Variants in NECAB1 observed in about 807,000 individuals in gnomAD.
NECAB1 encodes the protein N-terminal EF-hand calcium-binding protein 1.
A neutral mutation model predicts 57.5 loss-of-function variants in NECAB1; 29 were observed. The ratio of observed to expected loss-of-function variants is 0.50; its 90% CI spans 0.38 to 0.69. The LOEUF (loss-of-function observed/expected upper bound fraction) is 0.69. Among genes scored for constraint, NECAB1 ranks in the 30% least tolerant of loss-of-function variants. The probability of loss-of-function intolerance (pLI) is 0.00; values close to 1 mark genes in which losing one functional copy is unlikely to be tolerated. For missense variants in NECAB1, 372 were observed against 413.8 expected, an observed-to-expected ratio of 0.90 and a Z score of 0.88; for synonymous variants, 142 against 147.7, an observed-to-expected ratio of 0.96 and a Z score of 0.28.
intron 2 of NECAB1, among the ~76,000 whole-genome samples, chr8:90,816,674 A>T (rs1280313675): frequency 1.3e-5 from 2 of 151,742 alleles, no homozygotes; most frequent in African/African-American, 4.8e-5. Context: ...CTAAATTCTG[A>T]TCAGTTTATT....
chr8:90,889,498 A>G (rs750277107), intron 5 of NECAB1, among the ~76,000 whole-genome samples: 1 of 152,228 alleles, frequency 6.6e-6, no homozygotes, highest in African/African-American at 2.4e-5. Flanking sequence ...TGTAATCGTT[A>G]TCTACTGTGG....
intron 3 of NECAB1, among the ~76,000 whole-genome samples, chr8:90,855,275 TTTTA>T (rs1812773291): frequency 2.0e-5 from 3 of 152,160 alleles, no homozygotes; most frequent in Admixed American, 2.0e-4. Flanking sequence ...GTGCTTGACT[TTTTA>T]TTTATTTATT....
intron 3 of NECAB1, among the ~76,000 whole-genome samples, chr8:90,844,592 T>C (rs1019303695): frequency 2.0e-5 from 3 of 152,082 alleles, no homozygotes; most frequent in African/African-American, 7.2e-5. Flanking sequence ...TCTGTAGGGC[T>C]CTCCCACCCG....
At chr8:90,953,124 G>A (rs1810953642) in intron 12 of NECAB1, among the ~76,000 whole-genome samples, 2 of 152,280 alleles carry the variant, frequency 1.3e-5, no homozygotes, top group South Asian at 4.1e-4. Context: ...GGAAAGAAAG[G>A]AACAAAGCTT....
chr8:90,819,818 G>A (rs1240671410), intron 2 of NECAB1, among the ~76,000 whole-genome samples: 1 of 151,884 alleles, frequency 6.6e-6, no homozygotes, highest in African/African-American at 2.4e-5. Flanking sequence ...GGTGGGACAG[G>A]GCTCTGGTAA....
intron 4 of NECAB1, among the ~76,000 whole-genome samples, chr8:90,878,781 A>G (rs1387754517): frequency 1.3e-5 from 2 of 151,874 alleles, no homozygotes; most frequent in Non-Finnish European, 1.5e-5. Context: ...TTATCAGCAT[A>G]TGCCTGCATC....
chr8:90,865,853 C>T (rs1205468481), intron 3 of NECAB1, among the ~76,000 whole-genome samples: 3 of 152,110 alleles, frequency 2.0e-5, no homozygotes, highest in East Asian at 1.9e-4. Flanking sequence ...TATGTCACCA[C>T]ATTCTTCTAG....
At chr8:90,940,292 AGTT>A (rs1289619626) in intron 9 of NECAB1, 1 of 153,054 alleles carries the variant, frequency 6.5e-6, no homozygotes, top group Non-Finnish European at 1.5e-5. Flanking sequence ...TTTGAAATCT[AGTT>A]GTTTGTAATG....
chr8:90,917,429 A>G, intron 5 of NECAB1, 63 bp from the exon 6 acceptor site: 2 of 1,495,028 alleles, frequency 1.3e-6, no homozygotes, highest in Non-Finnish European at 1.8e-6. Flanking sequence ...TAAAAGAAAA[A>G]AAAAAAATCC....
chr8:90,888,073 A>T (rs890299956), intron 5 of NECAB1, among the ~76,000 whole-genome samples: 4 of 152,162 alleles, frequency 2.6e-5, no homozygotes, highest in Non-Finnish European at 1.5e-5. Flanking sequence ...CCCAACCAGA[A>T]ATAAGGTATA....
At chr8:90,879,135 A>G (rs900060729) in intron 4 of NECAB1, among the ~76,000 whole-genome samples, 1 of 141,492 alleles carries the variant, frequency 7.1e-6, no homozygotes, top group African/African-American at 2.6e-5. Context: ...TATATAATAT[A>G]TATATATCGA....
chr8:90,796,207 CA>C, intron 1 of NECAB1, among the ~76,000 whole-genome samples: 2 of 152,242 alleles, frequency 1.3e-5, no homozygotes, highest in East Asian at 3.9e-4. Context: ...AGTCTGGGCC[CA>C]CCCACCCTGG....
chr8:90,879,052 AAT>A (rs1329431252), intron 4 of NECAB1, among the ~76,000 whole-genome samples: 2 of 138,378 alleles, frequency 1.4e-5, no homozygotes, highest in Non-Finnish European at 3.0e-5. Context: ...TTATTTATAT[AAT>A]ATATATCTTA....
intron 2 of NECAB1, among the ~76,000 whole-genome samples, chr8:90,804,558 G>A (rs565398199): frequency 5.7e-4 from 86 of 150,724 alleles, no homozygotes; most frequent in African/African-American, 2.0e-3. Flanking sequence ...TGAGGTGATA[G>A]AGACATTAAT....
intron 6 of NECAB1, among the ~76,000 whole-genome samples, chr8:90,920,989 A>G (rs1430091368): frequency 6.6e-6 from 1 of 152,162 alleles, no homozygotes; most frequent in Non-Finnish European, 1.5e-5. Flanking sequence ...AAAGCTAGAA[A>G]GATGCAAACA....
chr8:90,855,794 T>A (rs771493050), intron 3 of NECAB1, among the ~76,000 whole-genome samples: 9 of 152,276 alleles, frequency 5.9e-5, no homozygotes, highest in Non-Finnish European at 1.0e-4. Flanking sequence ...GAGTGGGTGG[T>A]CAGTTGTGGT....
intron 6 of NECAB1, among the ~76,000 whole-genome samples, chr8:90,923,800 C>T (rs1810190411): frequency 6.6e-6 from 1 of 152,092 alleles, no homozygotes; most frequent in African/African-American, 2.4e-5. Flanking sequence ...ATTACATTCT[C>T]TGAGGAAGGT....
chr8:90,810,422 G>T (rs990344294), intron 2 of NECAB1, among the ~76,000 whole-genome samples: 2 of 152,102 alleles, frequency 1.3e-5, no homozygotes, highest in African/African-American at 4.8e-5. Context: ...AAAGACAAAA[G>T]AATACATTTA....
At chr8:90,896,721 G>A (rs188794981) in intron 5 of NECAB1, among the ~76,000 whole-genome samples, 12 of 151,952 alleles carry the variant, frequency 7.9e-5, no homozygotes, top group African/African-American at 2.9e-4. Flanking sequence ...AATCTTTTTC[G>A]ATTATCTACT....
Sources: gnomAD v4.1 joint callset for allele counts (sites outside exome capture counted in the v4.1 genomes callset) on GRCh38, gnomAD v4.1.1 for gene constraint, MANE v1.5 for transcripts, NCBI Gene and HGNC (gene_info 2026-07-23, HGNC 2026-07-21) for gene names.